Variants in TRABD2B observed in about 807,000 individuals in gnomAD.
TRABD2B encodes TraB domain containing 2B, also known as metalloprotease TIKI2.
A neutral mutation model predicts 40.1 loss-of-function variants in TRABD2B; 14 were observed. That is an observed-to-expected ratio of 0.35 (90% confidence interval 0.23 to 0.55). TRABD2B has a LOEUF of 0.55. TRABD2B is among the 20% of genes least tolerant of loss of function. TRABD2B has a pLI of 0.90. For missense variants in TRABD2B, 541 were observed against 648.6 expected, an observed-to-expected ratio of 0.83 and a Z score of 1.80; for synonymous variants, 263 against 277.0, an observed-to-expected ratio of 0.95 and a Z score of 0.50.
At chr1:47,820,836 T>A (rs916812478) in intron 2 of TRABD2B, among the ~76,000 whole-genome samples, 1 of 151,306 alleles carries the variant, frequency 6.6e-6, no homozygotes, top group African/African-American at 2.4e-5. Flanking sequence ...TCTTACTTAC[T>A]CTTCCCATAA....
chr1:47,985,017 T>C (rs1472101317), intron 2 of TRABD2B, among the ~76,000 whole-genome samples: 1 of 152,264 alleles, frequency 6.6e-6, no homozygotes, highest in Non-Finnish European at 1.5e-5. Context: ...AACTATGAGC[T>C]AGTATGTACT....
chr1:47,966,805 T>C (rs1233527326), intron 2 of TRABD2B, among the ~76,000 whole-genome samples: 1 of 151,962 alleles, frequency 6.6e-6, no homozygotes, highest in Admixed American at 6.6e-5. Context: ...CCTGGGAGGC[T>C]GATGCAGTAG....
intron 2 of TRABD2B, among the ~76,000 whole-genome samples, chr1:47,809,053 C>T (rs1417423968): frequency 2.6e-5 from 4 of 152,104 alleles, no homozygotes; most frequent in African/African-American, 9.7e-5. Flanking sequence ...TGCTCCCTGC[C>T]CAGGATCCCC....
intron 2 of TRABD2B, among the ~76,000 whole-genome samples, chr1:47,984,251 G>A (rs1273580691): frequency 1.3e-5 from 2 of 152,258 alleles, no homozygotes; most frequent in Admixed American, 6.5e-5. Flanking sequence ...CTCCACCGCA[G>A]GAACGCCTCG....
chr1:47,911,363 G>C (rs1644760535), intron 2 of TRABD2B, among the ~76,000 whole-genome samples: 1 of 152,128 alleles, frequency 6.6e-6, no homozygotes, highest in Admixed American at 6.5e-5. Context: ...AGAAACTACT[G>C]GTGCAAGTTA....
intron 2 of TRABD2B, among the ~76,000 whole-genome samples, chr1:47,938,320 A>G (rs1169545382): frequency 1.3e-5 from 2 of 152,230 alleles, no homozygotes; most frequent in Non-Finnish European, 2.9e-5. Flanking sequence ...TAAAGAGTCA[A>G]ACCACCACTG....
chr1:47,915,392 G>A (rs927540975), intron 2 of TRABD2B, among the ~76,000 whole-genome samples: 2 of 152,280 alleles, frequency 1.3e-5, no homozygotes, highest in South Asian at 2.1e-4. Context: ...CCAGAGGCAC[G>A]GGGACTTACA....
In TRABD2B at chr1:47,997,292, G is replaced by C. The variant is rs1455057779; in HGVS notation, c.-503C>G. ...GGGGGCGGCTCTGGGGCGACCGGCT[G>C]CCCCCGAGCCCGGCTCAGAGGGGCG... On this transcript the variant is annotated 5_prime_UTR_variant, in exon 1 of 7. Coordinates refer to ENST00000606738, the MANE Select transcript of TRABD2B (RefSeq NM_001194986.2). 1 of 896,612 alleles carries C rather than the reference G, an allele frequency of 1.1e-6. No homozygotes were observed. 55.5% of individuals were successfully genotyped at this position (896,612 alleles called of 1,614,324 possible). A position where few individuals can be genotyped will look rare whatever the true frequency, so the allele number is the denominator to read the frequency against.
chr1:47,922,551 C>T (rs565129130), intron 2 of TRABD2B, among the ~76,000 whole-genome samples: 3 of 152,344 alleles, frequency 2.0e-5, no homozygotes, highest in African/African-American at 4.8e-5. Context: ...ACTCTGGCTT[C>T]GCCTGCCACT....
At chr1:47,937,894 G>C (rs887720442) in intron 2 of TRABD2B, among the ~76,000 whole-genome samples, 10 of 152,216 alleles carry the variant, frequency 6.6e-5, no homozygotes, top group African/African-American at 1.9e-4. Context: ...GTGAAGGATT[G>C]AAGCAGGGGC....
intron 3 of TRABD2B, 30 bp from the exon 4 acceptor site, chr1:47,794,790 GTTTTTTTTT>G: frequency 2.6e-6 from 3 of 1,144,850 alleles, no homozygotes; most frequent in Non-Finnish European, 3.4e-6. Flanking sequence ...GCTGCCTTCA[GTTTTTTTTT>G]TTTTTTTTTT....
intron 2 of TRABD2B, among the ~76,000 whole-genome samples, chr1:47,949,470 C>T (rs1313664362): frequency 3.0e-5 from 4 of 132,278 alleles, no homozygotes; most frequent in South Asian, 5.1e-4. Context: ...TGCAGTGGTG[C>T]GATCTTGTCT....
At chr1:47,886,847 G>A (rs942110507) in intron 2 of TRABD2B, among the ~76,000 whole-genome samples, 15 of 152,084 alleles carry the variant, frequency 9.9e-5, no homozygotes, top group Non-Finnish European at 1.9e-4. Flanking sequence ...GCCTTGGTCC[G>A]GGGCCATTTC....
chr1:47,892,354 A>C (rs1413813549), intron 2 of TRABD2B, among the ~76,000 whole-genome samples: 7 of 152,260 alleles, frequency 4.6e-5, no homozygotes, highest in Non-Finnish European at 1.0e-4. Flanking sequence ...GGTAAGAATC[A>C]GGACTGGGAA....
chr1:47,865,831 G>A (rs1482557615), intron 2 of TRABD2B, among the ~76,000 whole-genome samples: 4 of 152,190 alleles, frequency 2.6e-5, no homozygotes, highest in African/African-American at 9.6e-5. Flanking sequence ...GACACTTCCA[G>A]GAGGCAGAAG....
intron 2 of TRABD2B, among the ~76,000 whole-genome samples, chr1:47,936,473 G>A (rs1476348469): frequency 1.3e-5 from 2 of 152,222 alleles, no homozygotes; most frequent in African/African-American, 2.4e-5. Context: ...CAAGCCTAGA[G>A]ATGTCAGGAG....
chr1:47,829,494 C>T (rs1414030670), intron 2 of TRABD2B, among the ~76,000 whole-genome samples: 2 of 152,162 alleles, frequency 1.3e-5, no homozygotes, highest in African/African-American at 2.4e-5. Flanking sequence ...CCACATCCGT[C>T]TGCAGGAGCA....
chr1:47,979,644 G>A (rs1042115536), intron 2 of TRABD2B, among the ~76,000 whole-genome samples: 2 of 152,074 alleles, frequency 1.3e-5, no homozygotes, highest in African/African-American at 2.4e-5. Flanking sequence ...GCCTTACCCC[G>A]CCCCCACTTT....
intron 4 of TRABD2B, among the ~76,000 whole-genome samples, chr1:47,781,892 T>C (rs879283135): frequency 1.4e-4 from 21 of 152,200 alleles, no homozygotes; most frequent in African/African-American, 4.3e-4. Flanking sequence ...ACGGCCCCAG[T>C]GCTCACGACT....
Sources: allele counts gnomAD v4.1 joint callset (sites outside exome capture counted in the v4.1 genomes callset), GRCh38; gene constraint gnomAD v4.1.1; transcripts MANE v1.5; gene names NCBI Gene and HGNC (gene_info 2026-07-23, HGNC 2026-07-21).